GBE1: variants seen among roughly 807,000 people sequenced by gnomAD.
GBE1 encodes 1,4-alpha-glucan-branching enzyme.
A neutral mutation model predicts 88.8 loss-of-function variants in GBE1; 70 were observed. That is an observed-to-expected ratio of 0.79 (90% CI 0.65 to 0.96). The LOEUF is 0.96. GBE1 is among the 40% of genes least tolerant of loss of function. The probability of loss-of-function intolerance (pLI) is 0.00; values close to 1 mark genes in which losing one functional copy is unlikely to be tolerated. For synonymous variants in GBE1, 284 were observed against 300.1 expected (o/e 0.95, Z 0.56); for missense variants, 872 against 871.0 (o/e 1.00, Z -0.01).
At chr3:81,525,916 C>A (rs930700094) in intron 14 of GBE1, among the ~76,000 whole-genome samples, 4 of 151,918 alleles carry the variant, frequency 2.6e-5, no homozygotes, top group African/African-American at 9.7e-5. Context: ...CTTGATTCTT[C>A]TCTCTTTTCT....
At chr3:81,577,782 A>G in intron 12 of GBE1, 143 bp downstream of exon 12, 1 of 612,120 alleles carries the variant, frequency 1.6e-6, no homozygotes, top group Non-Finnish European at 2.7e-6. Context: ...TATTCTTGCA[A>G]TTTACACGAC....
At chr3:81,738,904 T>C (rs997711505) in intron 1 of GBE1, among the ~76,000 whole-genome samples, 1 of 152,180 alleles carries the variant, frequency 6.6e-6, no homozygotes, top group African/African-American at 2.4e-5. Flanking sequence ...GGGTAGTTTA[T>C]AAACAAAAGA....
chr3:81,705,414 C>A, intron 2 of GBE1, 30 bp downstream of exon 2: 1 of 1,444,296 alleles, frequency 6.9e-7, no homozygotes, highest in Non-Finnish European at 9.3e-7. Context: ...TAAGATATTA[C>A]TATTTAGTTC....
chr3:81,565,387 T>C (rs1477200444), intron 12 of GBE1, among the ~76,000 whole-genome samples: 4 of 152,208 alleles, frequency 2.6e-5, no homozygotes, highest in East Asian at 3.8e-4. Context: ...TAAATCTTTA[T>C]TGTATTCCTA....
At chr3:81,526,021 C>T (rs1702939875) in intron 14 of GBE1, among the ~76,000 whole-genome samples, 1 of 152,006 alleles carries the variant, frequency 6.6e-6, no homozygotes, top group South Asian at 2.1e-4. Flanking sequence ...TTTTTTATGT[C>T]TCTAATTCCT....
intron 7 of GBE1, among the ~76,000 whole-genome samples, chr3:81,636,901 TA>T (rs1405516495): frequency 1.3e-5 from 2 of 152,070 alleles, no homozygotes; most frequent in Non-Finnish European, 2.9e-5. Flanking sequence ...ACTTCAATTA[TA>T]AAAAAATTCA....
At chr3:81,550,128 T>C (rs1703253091) in intron 12 of GBE1, among the ~76,000 whole-genome samples, 1 of 151,634 alleles carries the variant, frequency 6.6e-6, no homozygotes, top group South Asian at 2.1e-4. Flanking sequence ...GAAAGCCTTC[T>C]AATTCAGTTT....
chr3:81,651,992 G>A (rs1048696373), intron 3 of GBE1, among the ~76,000 whole-genome samples: 1 of 152,208 alleles, frequency 6.6e-6, no homozygotes, highest in African/African-American at 2.4e-5. Context: ...GTTCTCTGAT[G>A]CTCCTATATC....
At chr3:81,501,193 C>T (rs1262516252) in intron 14 of GBE1, among the ~76,000 whole-genome samples, 1 of 152,132 alleles carries the variant, frequency 6.6e-6, no homozygotes, top group Non-Finnish European at 1.5e-5. Context: ...GGGAATGTGA[C>T]AAGACACAAG....
intron 3 of GBE1, among the ~76,000 whole-genome samples, chr3:81,667,460 T>C (rs564101073): frequency 6.6e-6 from 1 of 152,284 alleles, no homozygotes; most frequent in African/African-American, 2.4e-5. Context: ...CTGATTGCCC[T>C]GGCCAGAAGT....
intron 1 of GBE1, among the ~76,000 whole-genome samples, chr3:81,720,360 GTGTA>G (rs745962823): frequency 1.4e-5 from 2 of 145,674 alleles, no homozygotes; most frequent in Non-Finnish European, 3.0e-5. Flanking sequence ...GTGTGTGTGT[GTGTA>G]TATATATATA....
intron 1 of GBE1, among the ~76,000 whole-genome samples, chr3:81,746,603 TAA>T (rs1706423592): frequency 6.6e-6 from 1 of 152,118 alleles, no homozygotes; most frequent in Non-Finnish European, 1.5e-5. Flanking sequence ...ATTAAAATGA[TAA>T]GTCAAATTAA....
intron 7 of GBE1, among the ~76,000 whole-genome samples, chr3:81,616,465 T>G (rs150302612): frequency 6.6e-6 from 1 of 152,280 alleles, no homozygotes; most frequent in African/African-American, 2.4e-5. Flanking sequence ...CTATCATTCC[T>G]CCACTGCAAT....
intron 12 of GBE1, among the ~76,000 whole-genome samples, chr3:81,553,962 G>A (rs536090455): frequency 7.2e-5 from 11 of 151,956 alleles, no homozygotes; most frequent in Admixed American, 1.3e-4. Flanking sequence ...AATATAAGAC[G>A]AGGATAAGAC....
intron 3 of GBE1, among the ~76,000 whole-genome samples, chr3:81,660,454 A>T (rs962694280): frequency 6.6e-5 from 10 of 152,218 alleles, no homozygotes; most frequent in African/African-American, 2.2e-4. Context: ...ACTCCTCTGG[A>T]AAAGTAGAGA....
chr3:81,593,573 A>G (rs536562906), intron 8 of GBE1, among the ~76,000 whole-genome samples: 1 of 152,038 alleles, frequency 6.6e-6, no homozygotes, highest in East Asian at 1.9e-4. Flanking sequence ...AATATGTAAA[A>G]ACCTATGCAT....
At chr3:81,547,783 A>T (rs956444132) in intron 12 of GBE1, among the ~76,000 whole-genome samples, 1 of 151,304 alleles carries the variant, frequency 6.6e-6, no homozygotes, top group African/African-American at 2.4e-5. Context: ...AGCTGTAGCA[A>T]ATCTGGTGTG....
chr3:81,556,080 ATACAG>A (rs1703344367), intron 12 of GBE1, among the ~76,000 whole-genome samples: 1 of 152,152 alleles, frequency 6.6e-6, no homozygotes, highest in African/African-American at 2.4e-5. Context: ...ACATGTAGAT[ATACAG>A]TAAAGTCTAT....
chr3:81,749,494 CAGG>C (rs1412805210), intron 1 of GBE1, among the ~76,000 whole-genome samples: 6 of 152,152 alleles, frequency 3.9e-5, no homozygotes, highest in Non-Finnish European at 7.4e-5. Context: ...AAAGGAATAG[CAGG>C]AGAGCATTCC....
Sources: allele counts gnomAD v4.1 joint callset (sites outside exome capture counted in the v4.1 genomes callset), GRCh38; gene constraint gnomAD v4.1.1; transcripts MANE v1.5; gene names NCBI Gene and HGNC (gene_info 2026-07-23, HGNC 2026-07-21).